The following ZCCHC7 variants were observed in gnomAD, a reference collection of about 807,000 sequenced individuals.
The protein encoded by ZCCHC7 is zinc finger CCHC-type containing 7.
ZCCHC7 carries 35 observed loss-of-function variants against 52.0 expected under a neutral mutation model. That is an observed-to-expected ratio of 0.67 (90% CI 0.51 to 0.89). The LOEUF is 0.89. Among genes scored for constraint, ZCCHC7 ranks in the 40% least tolerant of loss-of-function variants. The pLI is 0.00. For synonymous variants in ZCCHC7, 217 were observed against 221.5 expected (o/e 0.98, Z 0.18); for missense variants, 574 against 649.1 (o/e 0.88, Z 1.26).
chr9:37,287,185 A>G (rs1379972587), intron 2 of ZCCHC7, among the ~76,000 whole-genome samples: 2 of 148,652 alleles, frequency 1.3e-5, no homozygotes, highest in Non-Finnish European at 3.0e-5. Flanking sequence ...ATGAGCCACC[A>G]TGCCCAGCCA....
At chr9:37,241,638 C>G (rs917511516) in intron 2 of ZCCHC7, among the ~76,000 whole-genome samples, 1 of 151,776 alleles carries the variant, frequency 6.6e-6, no homozygotes, top group African/African-American at 2.4e-5. Flanking sequence ...GCAGTATCTT[C>G]TAAAACACTC....
chr9:37,186,693 T>C, intron 2 of ZCCHC7: 1 of 591,716 alleles, frequency 1.7e-6, no homozygotes, highest in South Asian at 2.0e-5. Flanking sequence ...CAGATTCAAA[T>C]ATTTTTTTTT....
At chr9:37,138,057 T>TAA (rs1207949434) in intron 2 of ZCCHC7, among the ~76,000 whole-genome samples, 7 of 152,232 alleles carry the variant, frequency 4.6e-5, no homozygotes, top group Non-Finnish European at 1.0e-4. Flanking sequence ...TCAGCTTTTG[T>TAA]AAGCCTGTAC....
intron 2 of ZCCHC7, among the ~76,000 whole-genome samples, chr9:37,210,699 AT>A (rs1189803965): frequency 6.6e-6 from 1 of 152,064 alleles, no homozygotes; most frequent in Non-Finnish European, 1.5e-5. Flanking sequence ...CCCCTCACAG[AT>A]TTTCTCTACC....
chr9:37,227,451 C>A (rs530427043), intron 2 of ZCCHC7, among the ~76,000 whole-genome samples: 31 of 152,254 alleles, frequency 2.0e-4, no homozygotes, highest in African/African-American at 7.2e-4. Context: ...AAAAGATCAA[C>A]CATTTCAAAT....
At chr9:37,282,828 C>T (rs565813228) in intron 2 of ZCCHC7, among the ~76,000 whole-genome samples, 9 of 123,092 alleles carry the variant, frequency 7.3e-5, no homozygotes, top group Middle Eastern at 4.4e-3. Context: ...AAAAAAAAGG[C>T]GGGGGGAGTG....
At chr9:37,316,358 C>T (rs1829822083) in intron 5 of ZCCHC7, among the ~76,000 whole-genome samples, 1 of 151,338 alleles carries the variant, frequency 6.6e-6, no homozygotes, top group African/African-American at 2.4e-5. Flanking sequence ...ATGTGTCTAG[C>T]CAAGAATCTT....
chr9:37,139,633 AT>A (rs1234373048), intron 2 of ZCCHC7, among the ~76,000 whole-genome samples: 2 of 151,968 alleles, frequency 1.3e-5, no homozygotes, highest in African/African-American at 2.4e-5. Flanking sequence ...TCTGTTCTTA[AT>A]CTCGTGTTTT....
At chr9:37,275,665 G>A (rs1179592796) in intron 2 of ZCCHC7, among the ~76,000 whole-genome samples, 5 of 151,680 alleles carry the variant, frequency 3.3e-5, no homozygotes, top group African/African-American at 4.8e-5. Context: ...TTTTTGAAAC[G>A]GAGTTTCACT....
chr9:37,298,872 A>G (rs1056641736), intron 2 of ZCCHC7, among the ~76,000 whole-genome samples: 3 of 151,964 alleles, frequency 2.0e-5, no homozygotes, highest in African/African-American at 7.3e-5. Context: ...TTACCATAGC[A>G]TTTGTTTGGC....
At position 37,357,232 on chromosome 9, in the gene ZCCHC7, C is replaced by T; in HGVS notation, c.1596C>T (p.Asn532=). The change falls in exon 9 of 9, where the codon AAC becomes AAT. Residue 532 remains asparagine, a synonymous_variant. Coordinates refer to ENST00000336755, the MANE Select transcript of ZCCHC7 (RefSeq NM_032226.3). ...GCTGGGAAGATGATGACAATGATAA[C>T]TTATTTCTTATTAAGCAGAGAAAAA... is the stretch of plus-strand genomic sequence containing the variant. ...ERCWEDDDND[N]LFLIKQRKKK... 3.7e-6 allele frequency: 6 copies of T among 1,604,970 alleles called. No individual in the cohort carries two copies. Among genetic ancestry groups the T allele is most frequent in the Non-Finnish European group, 5.1e-6 (6 of 1,177,720 alleles).
rs569409009 is a variant in ZCCHC7, at chr9:37,209,574, A to T, written c.610+82632A>T. ...TAATGTTTTATATGCATATGTATGT[A>T]TACACATGTGTGTATATATGTATTT... On this transcript the variant is annotated intron_variant, in intron 2 of 8. Transcript: ENST00000336755. 5.3e-5 allele frequency among the ~76,000 whole-genome samples: 8 copies of T among 152,206 alleles called. No individual in the cohort carries two copies. In the East Asian group the frequency reaches 1.5e-3, roughly 29 times the overall value.
At chr9:37,223,606 A>G (rs1023722074) in intron 2 of ZCCHC7, among the ~76,000 whole-genome samples, 2 of 152,166 alleles carry the variant, frequency 1.3e-5, no homozygotes, top group African/African-American at 4.8e-5. Flanking sequence ...AATGATACTG[A>G]GTTGTACATT....
At chr9:37,348,974 G>A (rs981906254) in intron 6 of ZCCHC7, among the ~76,000 whole-genome samples, 4 of 152,110 alleles carry the variant, frequency 2.6e-5, no homozygotes, top group African/African-American at 9.7e-5. Flanking sequence ...CCCATCCGCT[G>A]GTGGGGGAGT....
intron 2 of ZCCHC7, among the ~76,000 whole-genome samples, chr9:37,166,314 T>G (rs1298089301): frequency 1.3e-5 from 2 of 152,098 alleles, no homozygotes; most frequent in Non-Finnish European, 1.5e-5. Flanking sequence ...GAGAATTGCT[T>G]GAACCTGGCA....
At chr9:37,220,054 T>G (rs909175488) in intron 2 of ZCCHC7, among the ~76,000 whole-genome samples, 2 of 152,186 alleles carry the variant, frequency 1.3e-5, no homozygotes, top group Non-Finnish European at 2.9e-5. Flanking sequence ...GGAAAATACT[T>G]GTAAATCACT....
intron 2 of ZCCHC7, among the ~76,000 whole-genome samples, chr9:37,218,126 C>A (rs1824608630): frequency 6.6e-6 from 1 of 152,088 alleles, no homozygotes. Context: ...GGTTTCATAA[C>A]AAGGATCACG....
intron 2 of ZCCHC7, among the ~76,000 whole-genome samples, chr9:37,228,725 A>G (rs1825244160): frequency 6.6e-6 from 1 of 151,924 alleles, no homozygotes; most frequent in South Asian, 2.1e-4. Flanking sequence ...GAATTTTTAT[A>G]TGAATATAAA....
At chr9:37,326,801 T>G (rs1175230013) in intron 5 of ZCCHC7, 2 of 152,046 alleles carry the variant, frequency 1.3e-5, no homozygotes, top group Non-Finnish European at 2.9e-5. Context: ...TATCAAAAAT[T>G]ACAAAGATTT....
Sources: gnomAD v4.1 joint callset for allele counts (sites outside exome capture counted in the v4.1 genomes callset) on GRCh38, gnomAD v4.1.1 for gene constraint, MANE v1.5 for transcripts, NCBI Gene and HGNC (gene_info 2026-07-23, HGNC 2026-07-21) for gene names.